Variants in GALNT6 observed in about 807,000 individuals in gnomAD.
The protein encoded by GALNT6 is GalNAc transferase 6.
In GALNT6, 51 loss-of-function variants were observed where a neutral mutation model predicts 65.9. The ratio of observed to expected loss-of-function variants is 0.77; its 90% confidence interval spans 0.62 to 0.98. The LOEUF is 0.98. Ranked by LOEUF, GALNT6 falls within the 50% of genes least tolerant of loss-of-function variation. GALNT6 has a pLI of 0.00. For synonymous variants in GALNT6, 323 were observed against 315.1 expected (o/e 1.02, Z -0.26); for missense variants, 708 against 803.3 (o/e 0.88, Z 1.43).
chr12:51,363,705 A>G (rs1946998189), intron 6 of GALNT6, among the ~76,000 whole-genome samples: 1 of 152,184 alleles, frequency 6.6e-6, no homozygotes, highest in African/African-American at 2.4e-5. Flanking sequence ...TGACTATTCC[A>G]CAATGGCCTC....
intron 3 of GALNT6, among the ~76,000 whole-genome samples, chr12:51,377,848 C>T (rs1306597821): frequency 6.6e-6 from 1 of 152,236 alleles, no homozygotes; most frequent in Non-Finnish European, 1.5e-5. Flanking sequence ...TTACAGCGTA[C>T]AGTTCCTCTC....
chr12:51,379,578 C>T lies in GALNT6; in HGVS notation c.204G>A (p.Met68Ile), dbSNP rs754743434. The change falls in exon 3 of 12, where the codon ATG becomes ATA. Residue 68 changes from methionine (M) to isoleucine (I), a missense_variant. Physicochemically the swap from Met to Ile is conservative, Grantham distance 10. Coordinates refer to ENST00000356317, the MANE Select transcript of GALNT6 (RefSeq NM_007210.4). Reference sequence around the variant, plus strand: ...CTGGAGCCCTGATTTGGAGCTTGGGCATTGAATCTCTAAGGTTGTTCATGG... The same window carrying T: ...CTGGAGCCCTGATTTGGAGCTTGGGTATTGAATCTCTAAGGTTGTTCATGG... ...LEAMNNLRDS[M>I]PKLQIRAPEA... 36 of 1,614,024 alleles carry T rather than the reference C, an allele frequency of 2.2e-5. No homozygotes were observed. Among genetic ancestry groups the T allele is most frequent in the Admixed American group, 1.2e-4 (7 of 60,008 alleles).
intron 4 of GALNT6, among the ~76,000 whole-genome samples, chr12:51,374,624 C>T (rs933801708): frequency 6.6e-6 from 1 of 152,176 alleles, no homozygotes; most frequent in Non-Finnish European, 1.5e-5. Context: ...TTCCTGCCCT[C>T]ACTATTGGGA....
At chr12:51,359,947 G>A (rs1420824839) in intron 7 of GALNT6, 2 of 152,220 alleles carry the variant, frequency 1.3e-5, no homozygotes, top group African/African-American at 4.8e-5. Context: ...TGGGTTTTAG[G>A]TGGGAAAGTA....
chr12:51,388,633 CACTA>C (rs1223845592), intron 2 of GALNT6, among the ~76,000 whole-genome samples: 3 of 152,142 alleles, frequency 2.0e-5, no homozygotes, highest in Non-Finnish European at 2.9e-5. Context: ...GGGATTTCCC[CACTA>C]ACTATCATGG....
intron 2 of GALNT6, among the ~76,000 whole-genome samples, chr12:51,381,272 C>T (rs943568915): frequency 6.6e-6 from 1 of 152,178 alleles, no homozygotes; most frequent in Non-Finnish European, 1.5e-5. Flanking sequence ...CTGTAATCTA[C>T]TCCTATTTAA....
chr12:51,391,399 C>A lies in GALNT6; in HGVS notation c.-304G>T. ...CACCGCGACCAGCAGAGAGCGAAGGCAGGAGGGACCAGCCTGGCCCAGCCC... is the reference window on the plus strand; with the variant it reads ...CACCGCGACCAGCAGAGAGCGAAGGAAGGAGGGACCAGCCTGGCCCAGCCC... On this transcript the variant is annotated 5_prime_UTR_variant, in exon 1 of 12. Transcript: ENST00000356317. 1 of 153,520 alleles carries A rather than the reference C, an allele frequency of 6.5e-6. No homozygotes were observed. The highest frequency in any genetic ancestry group is 1.5e-5 in the Non-Finnish European group (1 of 68,734). 9.5% of individuals were successfully genotyped at this position (153,520 alleles called of 1,614,324 possible).
At chr12:51,358,553 G>A (rs866570078) in intron 8 of GALNT6, among the ~76,000 whole-genome samples, 7 of 151,966 alleles carry the variant, frequency 4.6e-5, no homozygotes, top group Non-Finnish European at 7.4e-5. Context: ...TGCCCGCCTC[G>A]GCCTCCCTAA....
intron 4 of GALNT6, among the ~76,000 whole-genome samples, chr12:51,369,638 G>C (rs926397339): frequency 6.6e-6 from 1 of 152,204 alleles, no homozygotes; most frequent in Non-Finnish European, 1.5e-5. Flanking sequence ...ATCTTCACTT[G>C]GATGTGGAAC....
At chr12:51,386,338 C>T (rs1323618055) in intron 2 of GALNT6, among the ~76,000 whole-genome samples, 3 of 141,604 alleles carry the variant, frequency 2.1e-5, no homozygotes, top group Non-Finnish European at 3.2e-5. Flanking sequence ...GGGGACCAGG[C>T]CTGTCCTCCC....
chr12:51,376,005 C>T (rs1018254468), intron 4 of GALNT6, among the ~76,000 whole-genome samples: 6 of 151,972 alleles, frequency 3.9e-5, no homozygotes, highest in South Asian at 2.1e-4. Context: ...GGACTACAAG[C>T]GCGCACCACC....
intron 10 of GALNT6, 60 bp downstream of exon 10, chr12:51,357,289 G>C (rs1946775938): frequency 1.2e-5 from 13 of 1,089,210 alleles, no homozygotes; most frequent in Non-Finnish European, 1.7e-5. Flanking sequence ...GGACTCTTTA[G>C]GGTAGAGAAA....
At chr12:51,355,242 T>A (rs1455553376) in intron 11 of GALNT6, among the ~76,000 whole-genome samples, 1 of 152,174 alleles carries the variant, frequency 6.6e-6, no homozygotes, top group African/African-American at 2.4e-5. Context: ...TTCTTCTAAT[T>A]GGGTTCAGCC....
rs1320612758 is a variant in GALNT6, at chr12:51,354,185, T to A, written c.*194A>T. 7 of 517,814 alleles carry A rather than the reference T, an allele frequency of 1.4e-5. No homozygotes were observed. Among genetic ancestry groups the A allele is most frequent in the South Asian group, 2.9e-5 (1 of 34,142 alleles). The allele number at this position is 517,814 out of a possible 1,614,324, so 32.1% of individuals were successfully genotyped here. A position where few individuals can be genotyped will look rare whatever the true frequency, so the allele number is the denominator to read the frequency against. ...AGGCTAAATATATGTCCTAATGGTC[T>A]CTTCCATCGGTGTGAAGGAAAGAAA... On this transcript the variant is annotated 3_prime_UTR_variant, in exon 12 of 12. Transcript: ENST00000356317.
At chr12:51,375,525 T>C (rs1436518072) in intron 4 of GALNT6, among the ~76,000 whole-genome samples, 1 of 151,910 alleles carries the variant, frequency 6.6e-6, no homozygotes, top group Non-Finnish European at 1.5e-5. Flanking sequence ...ACCTATCTCA[T>C]ATCCCTCACC....
chr12:51,383,621 A>G (rs572650466), intron 2 of GALNT6: 14 of 152,148 alleles, frequency 9.2e-5, no homozygotes, highest in Admixed American at 6.5e-5. Flanking sequence ...AGCTCTTCCT[A>G]GGCATCTAAT....
chr12:51,375,192 AGT>A (rs1320519597), intron 4 of GALNT6, among the ~76,000 whole-genome samples: 3 of 152,046 alleles, frequency 2.0e-5, no homozygotes, highest in Non-Finnish European at 2.9e-5. Flanking sequence ...ACATCTTTTA[AGT>A]CTCATTTCCT....
intron 4 of GALNT6, among the ~76,000 whole-genome samples, chr12:51,371,460 A>G (rs1320610051): frequency 6.6e-6 from 1 of 152,132 alleles, no homozygotes; most frequent in Non-Finnish European, 1.5e-5. Flanking sequence ...TTTCTGCCTC[A>G]TTAACAAGTC....
chr12:51,379,150 T>C, intron 3 of GALNT6, 141 bp downstream of exon 3: 1 of 798,736 alleles, frequency 1.3e-6, no homozygotes, highest in Non-Finnish European at 1.9e-6. Flanking sequence ...GGGAAAGAAG[T>C]GAGGCATAGA....
Sources: gnomAD v4.1 joint callset for allele counts (sites outside exome capture counted in the v4.1 genomes callset) on GRCh38, gnomAD v4.1.1 for gene constraint, MANE v1.5 for transcripts, NCBI Gene and HGNC (gene_info 2026-07-23, HGNC 2026-07-21) for gene names.